The following CERT1 variants were observed in gnomAD, a reference collection of about 807,000 sequenced individuals.
The protein encoded by CERT1 is ceramide transfer protein.
A neutral mutation model predicts 87.9 loss-of-function variants in CERT1; 31 were observed. That is an observed-to-expected ratio of 0.35 (90% CI 0.27 to 0.48). CERT1 has a LOEUF of 0.48. Among genes scored for constraint, CERT1 ranks in the 20% least tolerant of loss-of-function variants. CERT1 has a pLI of 0.99. For synonymous variants in CERT1, 289 were observed against 250.9 expected, an observed-to-expected ratio of 1.15 and a Z score of -1.44; for missense variants, 487 against 758.0, an observed-to-expected ratio of 0.64 and a Z score of 4.20.
intron 17 of CERT1, chr5:75,372,112 CTAA>C (rs1265374931): frequency 1.3e-5 from 2 of 152,266 alleles, no homozygotes; most frequent in South Asian, 4.1e-4. Flanking sequence ...CCAAATGCAA[CTAA>C]TGATAATTAG....
At chr5:75,458,082 A>C (rs1765076726) in intron 3 of CERT1, among the ~76,000 whole-genome samples, 1 of 152,088 alleles carries the variant, frequency 6.6e-6, no homozygotes, top group Admixed American at 6.6e-5. Flanking sequence ...CAAGTACGTA[A>C]ACAAGCAAAA....
intron 6 of CERT1, among the ~76,000 whole-genome samples, chr5:75,418,417 A>G (rs959137734): frequency 1.3e-5 from 2 of 152,172 alleles, no homozygotes; most frequent in Non-Finnish European, 2.9e-5. Context: ...GGTAAAAAAC[A>G]GTTTGGCAGT....
At chr5:75,407,900 T>TA (rs78971933) in intron 8 of CERT1, among the ~76,000 whole-genome samples, 1,445 of 136,342 alleles carry the variant, frequency 0.011, 11 homozygotes, top group East Asian at 0.03. Context: ...TTTATTATGG[T>TA]AAAAAAAAAA....
intron 13 of CERT1, 138 bp from the exon 14 acceptor site, chr5:75,384,850 G>T: frequency 1.7e-6 from 1 of 590,260 alleles, no homozygotes; most frequent in Non-Finnish European, 3.0e-6. Flanking sequence ...ACATCCAAAT[G>T]GAAGGTAGCT....
intron 3 of CERT1, among the ~76,000 whole-genome samples, chr5:75,426,780 A>T (rs1204559109): frequency 6.6e-6 from 1 of 152,218 alleles, no homozygotes; most frequent in Non-Finnish European, 1.5e-5. Flanking sequence ...GGGGCAGGGA[A>T]AAGAAGAATG....
chr5:75,438,687 T>C (rs1285614568), intron 3 of CERT1, among the ~76,000 whole-genome samples: 1 of 152,130 alleles, frequency 6.6e-6, no homozygotes, highest in Non-Finnish European at 1.5e-5. Context: ...ATAGGAGTAT[T>C]TTTCCATTTC....
At chr5:75,369,069 A>G (rs1445945552) in intron 17 of CERT1, 2 of 152,158 alleles carry the variant, frequency 1.3e-5, no homozygotes, top group Non-Finnish European at 2.9e-5. Flanking sequence ...GCATGCCACC[A>G]CACCCAGCTA....
intron 9 of CERT1, chr5:75,400,791 T>C (rs1397687102): frequency 6.6e-6 from 1 of 152,074 alleles, no homozygotes; most frequent in Non-Finnish European, 1.5e-5. Context: ...GAAGGTATTC[T>C]GCCCTTCATC....
chr5:75,443,955 T>TA (rs1281839650), intron 3 of CERT1, among the ~76,000 whole-genome samples: 3 of 152,258 alleles, frequency 2.0e-5, no homozygotes, highest in African/African-American at 7.2e-5. Flanking sequence ...TTACTATAGC[T>TA]AACCCTGCTC....
chr5:75,428,549 G>A, intron 3 of CERT1, among the ~76,000 whole-genome samples: 1 of 152,022 alleles, frequency 6.6e-6, no homozygotes, highest in Non-Finnish European at 1.5e-5. Context: ...GCAGTGGCGG[G>A]CGCCTGTAGT....
At chr5:75,433,208 G>GT (rs1193488675) in intron 3 of CERT1, among the ~76,000 whole-genome samples, 1 of 152,120 alleles carries the variant, frequency 6.6e-6, no homozygotes, top group Non-Finnish European at 1.5e-5. Context: ...TTTTAAAATA[G>GT]TTTTTTCTAA....
chr5:75,387,470 A>AG (rs1761841464), intron 12 of CERT1, among the ~76,000 whole-genome samples: 2 of 151,954 alleles, frequency 1.3e-5, no homozygotes, highest in Non-Finnish European at 2.9e-5. Context: ...GGCCAGGCGC[A>AG]GTGGCTCACA....
intron 1 of CERT1, among the ~76,000 whole-genome samples, chr5:75,507,091 T>A (rs1767683929): frequency 6.6e-6 from 1 of 152,182 alleles, no homozygotes; most frequent in African/African-American, 2.4e-5. Context: ...GTTCTCTAAT[T>A]AAGCATTTTT....
chr5:75,398,536 A>C (rs1293208761), intron 11 of CERT1, among the ~76,000 whole-genome samples: 1 of 152,182 alleles, frequency 6.6e-6, no homozygotes, highest in Non-Finnish European at 1.5e-5. Context: ...AACATAATAT[A>C]ATCTAGTCCA....
intron 12 of CERT1, among the ~76,000 whole-genome samples, 186 bp downstream of exon 12, chr5:75,389,406 G>A (rs1448996173): frequency 6.6e-6 from 1 of 152,156 alleles, no homozygotes; most frequent in African/African-American, 2.4e-5. Flanking sequence ...AAAACCTTTA[G>A]TAAAGGCAAA....
intron 2 of CERT1, among the ~76,000 whole-genome samples, chr5:75,478,203 A>G (rs959394220): frequency 9.2e-5 from 14 of 152,064 alleles, no homozygotes; most frequent in Admixed American, 7.9e-4. Context: ...AATCCCAGCT[A>G]CTTGGGAGGC....
At chr5:75,374,213 A>G, downstream of CERT1, 1 of 404,172 alleles carries the variant, frequency 2.5e-6, no homozygotes, top group Non-Finnish European at 4.3e-6. Context: ...AAAAAAAAAA[A>G]AAAGACAAGT....
chr5:75,403,322 A>G (rs1243038646), intron 8 of CERT1, among the ~76,000 whole-genome samples: 1 of 152,266 alleles, frequency 6.6e-6, no homozygotes, highest in African/African-American at 2.4e-5. Flanking sequence ...AGAGATTGGC[A>G]AAAACTATGG....
intron 3 of CERT1, among the ~76,000 whole-genome samples, chr5:75,436,768 AAT>A (rs998989304): frequency 6.6e-6 from 1 of 152,124 alleles, no homozygotes; most frequent in South Asian, 2.1e-4. Flanking sequence ...CAACAGTTTG[AAT>A]ATATATGTTT....
Sources: gnomAD v4.1 joint callset for allele counts (sites outside exome capture counted in the v4.1 genomes callset) on GRCh38, gnomAD v4.1.1 for gene constraint, MANE v1.5 for transcripts, NCBI Gene and HGNC (gene_info 2026-07-23, HGNC 2026-07-21) for gene names.